The following FHIT variants were observed in gnomAD, a reference collection of about 807,000 sequenced individuals.
FHIT encodes the protein bis(5'-adenosyl)-triphosphatase.
A neutral mutation model predicts 17.9 loss-of-function variants in FHIT; 19 were observed. The ratio of observed to expected loss-of-function variants is 1.06; its 90% CI spans 0.74 to 1.56. The LOEUF is 1.56. FHIT is among the 40% of genes most tolerant of loss of function. FHIT has a pLI of 0.00. For synonymous variants in FHIT, 81 were observed against 69.7 expected (o/e 1.16, Z -0.81); for missense variants, 248 against 189.2 (o/e 1.31, Z -1.82).
chr3:60,455,922 C>G (rs558537046), intron 5 of FHIT, among the ~76,000 whole-genome samples: 1 of 152,222 alleles, frequency 6.6e-6, no homozygotes, highest in Admixed American at 6.5e-5. Flanking sequence ...AATATGTTCA[C>G]CAAATGCAGC....
intron 5 of FHIT, among the ~76,000 whole-genome samples, chr3:60,523,644 G>C (rs994271701): frequency 6.6e-6 from 1 of 152,142 alleles, no homozygotes; most frequent in Non-Finnish European, 1.5e-5. Context: ...CAAGACAGTG[G>C]CATATACAAT....
At chr3:60,917,698 A>C (rs1707078778) in intron 3 of FHIT, among the ~76,000 whole-genome samples, 1 of 152,206 alleles carries the variant, frequency 6.6e-6, no homozygotes, top group African/African-American at 2.4e-5. Flanking sequence ...CTCATCACAA[A>C]GGATTATTTG....
chr3:59,799,423 G>C (rs1211175201), intron 8 of FHIT, among the ~76,000 whole-genome samples: 1 of 152,138 alleles, frequency 6.6e-6, no homozygotes, highest in Non-Finnish European at 1.5e-5. Context: ...CCTGTGATGG[G>C]GAAGGCCCTG....
At chr3:60,724,660 G>GTT (rs543830464) in intron 4 of FHIT, among the ~76,000 whole-genome samples, 23 of 85,508 alleles carry the variant, frequency 2.7e-4, no homozygotes, top group East Asian at 5.3e-4. Flanking sequence ...TTTTTTTTTT[G>GTT]TTTTTTTTTT....
At chr3:61,072,439 G>A (rs929429076) in intron 2 of FHIT, among the ~76,000 whole-genome samples, 6 of 152,112 alleles carry the variant, frequency 3.9e-5, no homozygotes, top group East Asian at 1.9e-4. Context: ...GGCCAGGGTC[G>A]TTCTGAAAAA....
intron 5 of FHIT, among the ~76,000 whole-genome samples, chr3:60,217,661 A>C (rs1703759352): frequency 6.6e-6 from 1 of 152,156 alleles, no homozygotes; most frequent in African/African-American, 2.4e-5. Context: ...CTCTGGCTTC[A>C]TCAGGAGCCT....
intron 3 of FHIT, among the ~76,000 whole-genome samples, chr3:60,963,626 T>C (rs1709570296): frequency 6.6e-6 from 1 of 152,238 alleles, no homozygotes; most frequent in African/African-American, 2.4e-5. Flanking sequence ...TCTGGTATGT[T>C]GTGTCTTTGT....
chr3:60,765,960 A>C (rs1201632205), intron 4 of FHIT, among the ~76,000 whole-genome samples: 1 of 152,148 alleles, frequency 6.6e-6, no homozygotes, highest in African/African-American at 2.4e-5. Context: ...AGGAACTTGC[A>C]ACAGTGGCTC....
At chr3:59,809,393 G>A (rs1365004174) in intron 8 of FHIT, among the ~76,000 whole-genome samples, 1 of 152,230 alleles carries the variant, frequency 6.6e-6, no homozygotes, top group African/African-American at 2.4e-5. Context: ...CTTTCAGAGA[G>A]AGCATGATTC....
At chr3:60,157,036 G>T (rs2049850) in intron 5 of FHIT, among the ~76,000 whole-genome samples, 34,715 of 151,534 alleles carry the variant, frequency 0.23, 4,081 homozygotes, top group East Asian at 0.31. Context: ...AATAAATATG[G>T]ATTTATACAT....
At chr3:60,538,056 A>C (rs540692748) in intron 4 of FHIT, among the ~76,000 whole-genome samples, 1 of 152,298 alleles carries the variant, frequency 6.6e-6, no homozygotes, top group East Asian at 1.9e-4. Context: ...TATGCTAATG[A>C]TTGACTGGTG....
chr3:60,169,958 T>C (rs1288778932), intron 5 of FHIT, among the ~76,000 whole-genome samples: 1 of 152,292 alleles, frequency 6.6e-6, no homozygotes, highest in Non-Finnish European at 1.5e-5. Context: ...GAAATGACAA[T>C]GTAGCACATG....
At chr3:60,174,830 C>A (rs557233031) in intron 5 of FHIT, among the ~76,000 whole-genome samples, 43 of 152,122 alleles carry the variant, frequency 2.8e-4, no homozygotes, top group African/African-American at 1.0e-3. Flanking sequence ...TTTCTTTTTC[C>A]CCAGCCCCTA....
intron 3 of FHIT, among the ~76,000 whole-genome samples, chr3:60,894,047 G>C (rs1290282676): frequency 2.0e-5 from 3 of 152,158 alleles, no homozygotes; most frequent in Admixed American, 2.0e-4. Context: ...CTTAGGTTCT[G>C]ACAACCTCTA....
At chr3:60,582,687 A>G (rs1016368128) in intron 4 of FHIT, among the ~76,000 whole-genome samples, 4 of 152,074 alleles carry the variant, frequency 2.6e-5, no homozygotes, top group African/African-American at 4.8e-5. Flanking sequence ...TCTGTCTGCT[A>G]AAACTAAAAG....
At chr3:60,075,867 C>T (rs1295903694) in intron 5 of FHIT, among the ~76,000 whole-genome samples, 4 of 152,070 alleles carry the variant, frequency 2.6e-5, no homozygotes, top group African/African-American at 9.7e-5. Context: ...CCTCTGAATC[C>T]TTATAATGAT....
intron 4 of FHIT, among the ~76,000 whole-genome samples, chr3:60,642,888 A>T (rs2039761443): frequency 6.6e-6 from 1 of 151,974 alleles, no homozygotes; most frequent in Non-Finnish European, 1.5e-5. Context: ...CTCAATTGTC[A>T]CTTTCCAGAG....
intron 4 of FHIT, among the ~76,000 whole-genome samples, chr3:60,790,483 G>C (rs1037175792): frequency 1.3e-5 from 2 of 152,138 alleles, no homozygotes; most frequent in Non-Finnish European, 2.9e-5. Context: ...AGTCTCCTGA[G>C]TTATCACAAC....
chr3:60,759,537 T>TG (rs1172974401), intron 4 of FHIT, among the ~76,000 whole-genome samples: 1 of 152,092 alleles, frequency 6.6e-6, no homozygotes, highest in Non-Finnish European at 1.5e-5. Flanking sequence ...GATGGAGCCC[T>TG]GAGTCATTAC....
Sources: allele counts gnomAD v4.1 joint callset (sites outside exome capture counted in the v4.1 genomes callset), GRCh38; gene constraint gnomAD v4.1.1; transcripts MANE v1.5; gene names NCBI Gene and HGNC (gene_info 2026-07-23, HGNC 2026-07-21).